SORCS1: variants seen among roughly 807,000 people sequenced by gnomAD.
SORCS1 encodes sortilin related VPS10 domain containing receptor 1.
A neutral mutation model predicts 146.1 loss-of-function variants in SORCS1; 60 were observed. That is an observed-to-expected ratio of 0.41 (90% CI 0.33 to 0.51). The LOEUF is 0.51. Ranked by LOEUF, SORCS1 falls within the 20% of genes least tolerant of loss-of-function variation. The pLI is 0.21. For missense variants in SORCS1, 1,352 were observed against 1,487.6 expected, an observed-to-expected ratio of 0.91 and a Z score of 1.50; for synonymous variants, 637 against 584.0, an observed-to-expected ratio of 1.09 and a Z score of -1.31.
At chr10:106,589,674 C>T (rs1224766060) in intron 24 of SORCS1, among the ~76,000 whole-genome samples, 3 of 147,644 alleles carry the variant, frequency 2.0e-5, no homozygotes, top group African/African-American at 7.6e-5. Flanking sequence ...ACATGAACCA[C>T]CAAATTTATC....
chr10:106,795,141 A>G (rs557556418), intron 3 of SORCS1, among the ~76,000 whole-genome samples: 75 of 152,360 alleles, frequency 4.9e-4, no homozygotes, highest in Admixed American at 7.8e-4. Flanking sequence ...AGAATTCAAT[A>G]GTCATGTAAA....
chr10:106,893,343 T>C (rs1040772826), intron 2 of SORCS1, among the ~76,000 whole-genome samples: 2 of 152,238 alleles, frequency 1.3e-5, no homozygotes, highest in African/African-American at 4.8e-5. Flanking sequence ...TCTAAAACAT[T>C]TAGTTTAGCT....
At chr10:106,673,661 A>C (rs1020309681) in intron 14 of SORCS1, among the ~76,000 whole-genome samples, 1 of 152,212 alleles carries the variant, frequency 6.6e-6, no homozygotes, top group Non-Finnish European at 1.5e-5. Context: ...TTAGACTTCT[A>C]GGTTATCTTG....
chr10:107,054,097 T>C (rs1053242202), intron 1 of SORCS1, among the ~76,000 whole-genome samples: 12 of 152,164 alleles, frequency 7.9e-5, no homozygotes, highest in African/African-American at 2.4e-4. Flanking sequence ...GTATCAAGTG[T>C]CGAAGGCTAC....
intron 24 of SORCS1, among the ~76,000 whole-genome samples, chr10:106,591,589 G>A (rs962835907): frequency 6.6e-6 from 1 of 152,174 alleles, no homozygotes; most frequent in Non-Finnish European, 1.5e-5. Context: ...TTAAGCACCT[G>A]ATATGTGCAA....
chr10:106,830,402 A>G (rs1281594447), intron 2 of SORCS1, among the ~76,000 whole-genome samples: 1 of 152,196 alleles, frequency 6.6e-6, no homozygotes, highest in Non-Finnish European at 1.5e-5. Context: ...TATCATCATG[A>G]CAACTATGTA....
rs57934259 is a variant in SORCS1, at chr10:106,853,397, A to AT, written c.627-23725dup. ...GGCTAGAGGCTTATCCATTTTCTTG[A>AT]TTTTTTTTTTTTTCCAAAAAAACAG... is the stretch of plus-strand genomic sequence containing the variant. On this transcript the variant is annotated intron_variant, in intron 2 of 25. Transcript: ENST00000263054. Among the ~76,000 whole-genome samples, 386 of 136,516 alleles carry AT rather than the reference A, an allele frequency of 2.8e-3. 2 individuals carry two copies. The highest frequency in any genetic ancestry group is 9.1e-3 in the African/African-American group (329 of 36,186). 89.6% of individuals were successfully genotyped at this position (136,516 alleles called of 152,430 possible). A position where few individuals can be genotyped will look rare whatever the true frequency, so the allele number is the denominator to read the frequency against.
intron 1 of SORCS1, among the ~76,000 whole-genome samples, chr10:106,982,966 C>T (rs1956297381): frequency 6.6e-6 from 1 of 151,774 alleles, no homozygotes; most frequent in African/African-American, 2.4e-5. Context: ...TGCCTAGCTT[C>T]CTGGCACAGA....
Position 106,714,235 on chromosome 10 carries a change from T to C in SORCS1, c.1025-4894A>G, listed in dbSNP as rs200642153. Among the ~76,000 whole-genome samples the C allele has an allele frequency of 3.3e-5, 5 of 150,492 alleles. No individual in the cohort carries two copies. The East Asian group carries it at 7.8e-4, about 23-fold the overall frequency. ...AAAAAATCAAGGATCAATGCAAAGATTCAACAACAAAGATATTTATCAGTG... is the reference window on the plus strand; with the variant it reads ...AAAAAATCAAGGATCAATGCAAAGACTCAACAACAAAGATATTTATCAGTG... On this transcript the variant is annotated intron_variant, in intron 6 of 25. Transcript: ENST00000263054.
chr10:106,775,069 A>G (rs899181084), intron 4 of SORCS1, among the ~76,000 whole-genome samples: 7 of 152,246 alleles, frequency 4.6e-5, no homozygotes, highest in African/African-American at 1.7e-4. Flanking sequence ...CACTCTTTGA[A>G]GTGCTGGGAA....
chr10:106,899,043 A>G (rs1005915835), intron 2 of SORCS1, among the ~76,000 whole-genome samples: 5 of 152,238 alleles, frequency 3.3e-5, no homozygotes, highest in African/African-American at 9.6e-5. Context: ...TCCATAAATC[A>G]TTCATTTCTC....
chr10:106,583,192 T>C (rs1221970191), intron 24 of SORCS1, among the ~76,000 whole-genome samples: 5 of 152,240 alleles, frequency 3.3e-5, no homozygotes, highest in Non-Finnish European at 5.9e-5. Flanking sequence ...ATTTCTAACA[T>C]TGTCATATTA....
At chr10:106,589,105 G>GTCAGCTCCAGCTCTT (rs1316790631) in intron 24 of SORCS1, among the ~76,000 whole-genome samples, 1 of 152,160 alleles carries the variant, frequency 6.6e-6, no homozygotes, top group Non-Finnish European at 1.5e-5. Flanking sequence ...GAGGGAACTA[G>GTCAGCTCCAGCTCTT]TCAGCTCCAG....
At chr10:106,795,504 T>G (rs1464384614) in intron 3 of SORCS1, among the ~76,000 whole-genome samples, 1 of 152,110 alleles carries the variant, frequency 6.6e-6, no homozygotes, top group Non-Finnish European at 1.5e-5. Context: ...AGATGCAAAA[T>G]AATAACAATA....
intron 4 of SORCS1, among the ~76,000 whole-genome samples, chr10:106,767,706 G>T (rs745949248): frequency 2.6e-5 from 4 of 151,022 alleles, no homozygotes; most frequent in Non-Finnish European, 4.4e-5. Context: ...GACCAGGCTG[G>T]TCTCAAACTC....
At chr10:106,692,275 C>T (rs1301552991) in intron 9 of SORCS1, among the ~76,000 whole-genome samples, 1 of 152,130 alleles carries the variant, frequency 6.6e-6, no homozygotes, top group Non-Finnish European at 1.5e-5. Flanking sequence ...TCACATTGCC[C>T]AGGCTGGTCT....
chr10:106,675,007 C>G (rs899256491), intron 14 of SORCS1, 42 bp downstream of exon 14: 1 of 1,503,074 alleles, frequency 6.7e-7, no homozygotes, highest in South Asian at 1.2e-5. Flanking sequence ...GTGGATTACT[C>G]TTTTCTATGA....
At chr10:106,837,364 C>T (rs1029245119) in intron 2 of SORCS1, among the ~76,000 whole-genome samples, 2 of 152,066 alleles carry the variant, frequency 1.3e-5, no homozygotes, top group African/African-American at 4.8e-5. Flanking sequence ...TCCCCTTGCT[C>T]TTCAACCCAA....
At position 106,677,361 on chromosome 10, in the gene SORCS1, C is replaced by T. The variant is rs192653791; in HGVS notation, c.1784G>A (p.Gly595Glu). 1 of 1,613,860 alleles carries T rather than the reference C, an allele frequency of 6.2e-7. No homozygotes were observed. Reference sequence around the variant, plus strand: ...TGTGTGTTTCATAGCAACCAGGACTCCACCTTGATCCAGGTACAAAACACT... The same window carrying T: ...TGTGTGTTTCATAGCAACCAGGACTTCACCTTGATCCAGGTACAAAACACT... ...EHSVLYLDQG[G>E]VLVAMKHTSL... Residue 595 changes from glycine to glutamate, a missense_variant, in exon 13 of 26, where the codon GGA becomes GAA. Around this residue, in one of 3 missense-constraint regions of SORCS1, gnomAD observed 648 missense variants for 793.8 expected, o/e 0.82. Coordinates refer to ENST00000263054, the MANE Select transcript of SORCS1 (RefSeq NM_052918.5).
Sources: allele counts gnomAD v4.1 joint callset (sites outside exome capture counted in the v4.1 genomes callset), GRCh38; gene constraint gnomAD v4.1.1; regional missense constraint gnomAD v4.1.1; transcripts MANE v1.5; gene names NCBI Gene and HGNC (gene_info 2026-07-23, HGNC 2026-07-21).